COL26A1: variants seen among roughly 807,000 people sequenced by gnomAD.
COL26A1 encodes collagen alpha-1(XXVI) chain.
COL26A1 carries 41 observed loss-of-function variants against 59.3 expected under a neutral mutation model. The ratio of observed to expected loss-of-function variants is 0.69; its 90% CI spans 0.54 to 0.90. COL26A1 has a LOEUF of 0.90. COL26A1 is among the 40% of genes least tolerant of loss of function. The pLI is 0.00. For missense variants in COL26A1, 612 were observed against 602.3 expected, an observed-to-expected ratio of 1.02 and a Z score of -0.17; for synonymous variants, 266 against 256.0, an observed-to-expected ratio of 1.04 and a Z score of -0.37.
At chr7:101,452,077 T>C (rs1793353901) in intron 3 of COL26A1, among the ~76,000 whole-genome samples, 1 of 152,204 alleles carries the variant, frequency 6.6e-6, no homozygotes, top group Non-Finnish European at 1.5e-5. Context: ...CTGCAATGCA[T>C]AGTGAGCGGT....
intron 3 of COL26A1, among the ~76,000 whole-genome samples, chr7:101,448,284 C>T (rs925499646): frequency 1.3e-5 from 2 of 152,138 alleles, no homozygotes; most frequent in East Asian, 1.9e-4. Flanking sequence ...GTGTTTAGCC[C>T]GGGGGCCTGG....
intron 3 of COL26A1, among the ~76,000 whole-genome samples, chr7:101,463,732 T>TC (rs1185668829): frequency 1.9e-5 from 2 of 102,934 alleles, no homozygotes; most frequent in African/African-American, 3.8e-5. Context: ...CCTCCCTCTC[T>TC]CCCCCCTCCC....
intron 2 of COL26A1, among the ~76,000 whole-genome samples, chr7:101,424,358 G>A (rs1383175571): frequency 6.6e-6 from 1 of 152,124 alleles, no homozygotes; most frequent in Non-Finnish European, 1.5e-5. Flanking sequence ...GGCACTTTGG[G>A]GGGCCAAGGA....
intron 3 of COL26A1, among the ~76,000 whole-genome samples, chr7:101,480,470 T>G (rs565360435): frequency 2.4e-4 from 36 of 152,202 alleles, no homozygotes; most frequent in Admixed American, 7.2e-4. Context: ...TTGCTGGGGC[T>G]TTAATCTTTC....
chr7:101,528,154 C>T (rs1795289023), intron 3 of COL26A1, among the ~76,000 whole-genome samples: 1 of 152,128 alleles, frequency 6.6e-6, no homozygotes, highest in African/African-American at 2.4e-5. Context: ...CCATGTCCAC[C>T]GTTGGCCAAG....
chr7:101,547,180 C>T lies in COL26A1; in HGVS notation c.881C>T (p.Ala294Val). The T allele has an allele frequency of 3.1e-6, 5 of 1,598,034 alleles. No homozygotes were observed. Among genetic ancestry groups the T allele is most frequent in the African/African-American group, 2.7e-5 (2 of 74,550 alleles). ...KDNGDSRLASAIVDTVLAGVP... is the reference protein window; with the variant it reads ...KDNGDSRLASVIVDTVLAGVP... ...GATGGAGACTCAAGGCTGGCCTCTG[C>T]CATCGTGGACACAGTGCTGGCAGGT... Residue 294 changes from alanine (A) to valine (V), a missense_variant, in exon 8 of 13, where the codon GCC (alanine) becomes GTC (valine). By Grantham distance (64) the Ala-to-Val change is moderately conservative. Coordinates refer to ENST00000313669, the MANE Select transcript of COL26A1 (RefSeq NM_001278563.3).
At chr7:101,417,278 G>A (rs1792392414) in intron 1 of COL26A1, among the ~76,000 whole-genome samples, 1 of 151,886 alleles carries the variant, frequency 6.6e-6, no homozygotes, top group South Asian at 2.1e-4. Context: ...TCTGTTGGTG[G>A]GCTGGAGGTA....
rs768628869 is a variant in COL26A1 at position 101,415,157 on chromosome 7, C to CTTTTTTT, written c.159-4815_159-4809dup. Among the ~76,000 whole-genome samples the CTTTTTTT allele has an allele frequency of 2.7e-5, 4 of 147,198 alleles. 1 individual carries two copies. The highest frequency in any genetic ancestry group is 2.5e-5 in the African/African-American group (1 of 40,300). On this transcript the variant is annotated intron_variant, in intron 1 of 12. Transcript: ENST00000313669. ...TTTAGTCCTGATCATAACCCCCCCC[C>CTTTTTTT]TTTTTTTTTTTGAGACGGAGTCTCT...
At chr7:101,468,395 A>G (rs1356414370) in intron 3 of COL26A1, among the ~76,000 whole-genome samples, 1 of 152,200 alleles carries the variant, frequency 6.6e-6, no homozygotes, top group Admixed American at 6.5e-5. Context: ...ATCTGCCTAA[A>G]GAATTTCTTT....
At chr7:101,396,362 C>T (rs975952387) in intron 1 of COL26A1, among the ~76,000 whole-genome samples, 3 of 152,160 alleles carry the variant, frequency 2.0e-5, no homozygotes, top group African/African-American at 7.2e-5. Flanking sequence ...AGGCCTTTGT[C>T]TCTTCCTAGT....
intron 1 of COL26A1, among the ~76,000 whole-genome samples, chr7:101,402,157 A>G (rs184619989): frequency 7.9e-5 from 12 of 152,264 alleles, no homozygotes; most frequent in Non-Finnish European, 1.3e-4. Flanking sequence ...CTGCCGGACA[A>G]TTAGTCCCAG....
At chr7:101,421,398 G>T (rs907741737) in intron 2 of COL26A1, among the ~76,000 whole-genome samples, 1 of 152,138 alleles carries the variant, frequency 6.6e-6, no homozygotes, top group East Asian at 1.9e-4. Context: ...ATCTTGGCTG[G>T]GTGCGGTGGC....
chr7:101,380,588 TTACTC>T (rs1473499037), intron 1 of COL26A1, among the ~76,000 whole-genome samples: 4 of 152,134 alleles, frequency 2.6e-5, no homozygotes, highest in Admixed American at 1.3e-4. Context: ...TGTTTTTACT[TTACTC>T]TATGGACTTG....
chr7:101,551,550 C>T (rs558320595), intron 10 of COL26A1, among the ~76,000 whole-genome samples: 49 of 152,242 alleles, frequency 3.2e-4, no homozygotes, highest in African/African-American at 1.2e-3. Flanking sequence ...ATGAGTCTCC[C>T]AGCCTGACCA....
At chr7:101,406,144 T>C (rs1220988989) in intron 1 of COL26A1, among the ~76,000 whole-genome samples, 1 of 152,364 alleles carries the variant, frequency 6.6e-6, no homozygotes, top group African/African-American at 2.4e-5. Flanking sequence ...CAAAAAGATT[T>C]GGTCAGTCGC....
chr7:101,510,354 T>A (rs747527575), intron 3 of COL26A1, among the ~76,000 whole-genome samples: 1 of 151,226 alleles, frequency 6.6e-6, no homozygotes, highest in Non-Finnish European at 1.5e-5. Flanking sequence ...AAGATGTAAA[T>A]GAGATCATGA....
chr7:101,413,431 A>C (rs1345109466), intron 1 of COL26A1, among the ~76,000 whole-genome samples: 1 of 152,014 alleles, frequency 6.6e-6, no homozygotes, highest in African/African-American at 2.4e-5. Flanking sequence ...ATATAGGAAA[A>C]TTGTTTGAAC....
chr7:101,469,705 G>T (rs1367136174), intron 3 of COL26A1, among the ~76,000 whole-genome samples: 1 of 151,966 alleles, frequency 6.6e-6, no homozygotes, highest in Non-Finnish European at 1.5e-5. Flanking sequence ...GGCCAGGTTG[G>T]TCTCGAACTC....
intron 3 of COL26A1, among the ~76,000 whole-genome samples, chr7:101,504,110 T>C (rs1235417857): frequency 6.6e-6 from 1 of 151,886 alleles, no homozygotes; most frequent in Non-Finnish European, 1.5e-5. Context: ...ACCTCTTTTT[T>C]TTTCTTTGGG....
Sources: gnomAD v4.1 joint callset for allele counts (sites outside exome capture counted in the v4.1 genomes callset) on GRCh38, gnomAD v4.1.1 for gene constraint, MANE v1.5 for transcripts, NCBI Gene and HGNC (gene_info 2026-07-23, HGNC 2026-07-21) for gene names.